The following OPCML variants were observed in gnomAD, a reference collection of about 807,000 sequenced individuals.
The protein encoded by OPCML is opioid binding protein/cell adhesion molecule like.
OPCML carries 13 observed loss-of-function variants against 37.8 expected under a neutral mutation model. The observed-to-expected ratio is 0.34, with a 90% CI of 0.22 to 0.55. The LOEUF (loss-of-function observed/expected upper bound fraction) is 0.55. OPCML is among the 20% of genes least tolerant of loss of function. OPCML has a pLI of 0.91. For missense variants in OPCML, 341 were observed against 435.6 expected, an observed-to-expected ratio of 0.78 and a Z score of 1.93; for synonymous variants, 176 against 168.8, an observed-to-expected ratio of 1.04 and a Z score of -0.33.
At chr11:133,018,859 C>T (rs1422840260) in intron 1 of OPCML, among the ~76,000 whole-genome samples, 1 of 152,216 alleles carries the variant, frequency 6.6e-6, no homozygotes, top group Non-Finnish European at 1.5e-5. Flanking sequence ...CCAGGGTCAG[C>T]CCTTAAATGA....
chr11:133,515,252 C>G (rs1229434037), intron 1 of OPCML, among the ~76,000 whole-genome samples: 1 of 152,134 alleles, frequency 6.6e-6, no homozygotes, highest in Non-Finnish European at 1.5e-5. Context: ...CTCTCTTCAG[C>G]TAGAGGGGTT....
At chr11:133,013,521 C>T (rs971828918) in intron 1 of OPCML, among the ~76,000 whole-genome samples, 3 of 152,092 alleles carry the variant, frequency 2.0e-5, no homozygotes, top group African/African-American at 7.2e-5. Context: ...GCATAATGGT[C>T]CACTTGACAG....
At chr11:132,593,355 C>A (rs986868942) in intron 3 of OPCML, among the ~76,000 whole-genome samples, 1 of 152,172 alleles carries the variant, frequency 6.6e-6, no homozygotes, top group African/African-American at 2.4e-5. Flanking sequence ...TTCCTGTAGA[C>A]CATGGCAAAG....
intron 1 of OPCML, among the ~76,000 whole-genome samples, chr11:133,223,349 G>T (rs1375799281): frequency 6.6e-6 from 1 of 152,238 alleles, no homozygotes; most frequent in African/African-American, 2.4e-5. Flanking sequence ...GAAGGACAGA[G>T]TATTCTTTCT....
chr11:133,084,636 C>T (rs371291737), intron 1 of OPCML, among the ~76,000 whole-genome samples: 1 of 152,188 alleles, frequency 6.6e-6, no homozygotes, highest in Non-Finnish European at 1.5e-5. Flanking sequence ...TCCAGGCAGT[C>T]GGACAGATAG....
At chr11:132,524,003 A>G (rs1377423814) in intron 4 of OPCML, among the ~76,000 whole-genome samples, 2 of 152,108 alleles carry the variant, frequency 1.3e-5, no homozygotes, top group African/African-American at 4.8e-5. Context: ...AGCCTTTGTT[A>G]TTTTTCCCAA....
intron 4 of OPCML, among the ~76,000 whole-genome samples, chr11:132,473,723 G>C (rs571292092): frequency 2.6e-5 from 4 of 152,106 alleles, no homozygotes; most frequent in Non-Finnish European, 5.9e-5. Context: ...CTACTCAGAA[G>C]AATGAGGCTG....
chr11:132,791,841 G>A (rs1293576805), intron 2 of OPCML, among the ~76,000 whole-genome samples: 1 of 152,148 alleles, frequency 6.6e-6, no homozygotes, highest in African/African-American at 2.4e-5. Flanking sequence ...CCAGGTTGCG[G>A]TTTTGACTGA....
Position 133,140,727 on chromosome 11 carries a change from C to CAGAA in OPCML, c.62-197718_62-197717insTTCT, listed in dbSNP as rs141698735. 2.8e-3 allele frequency among the ~76,000 whole-genome samples: 305 copies of CAGAA among 108,256 alleles called. 5 individuals carry two copies. The highest frequency in any genetic ancestry group is 8.8e-3 in the African/African-American group (296 of 33,468). 71.0% of individuals were successfully genotyped at this position (108,256 alleles called of 152,430 possible). A position where few individuals can be genotyped will look rare whatever the true frequency, so the allele number is the denominator to read the frequency against. ...GAAGACGGAAGACGAAGACGGAAGACGACGACGACGACGACGACGAGGAAG... is the reference window on the plus strand; with the variant it reads ...GAAGACGGAAGACGAAGACGGAAGACAGAAGACGACGACGACGACGACGAGGAAG... On this transcript the variant is annotated intron_variant, in intron 1 of 7. Transcript: ENST00000524381.
At chr11:132,513,823 C>A (rs765057066) in intron 4 of OPCML, among the ~76,000 whole-genome samples, 1 of 152,170 alleles carries the variant, frequency 6.6e-6, no homozygotes, top group African/African-American at 2.4e-5. Context: ...CACTAATGCA[C>A]CCACTTTTAT....
intron 1 of OPCML, among the ~76,000 whole-genome samples, chr11:133,368,130 C>T (rs7934155): frequency 2.6e-4 from 39 of 152,094 alleles, no homozygotes; most frequent in African/African-American, 9.2e-4. Context: ...TGTGAAAAAT[C>T]CTCACACTTT....
chr11:133,090,213 C>A (rs568821347), intron 1 of OPCML, among the ~76,000 whole-genome samples: 3 of 152,092 alleles, frequency 2.0e-5, no homozygotes, highest in Non-Finnish European at 4.4e-5. Flanking sequence ...CACTCCCTTA[C>A]CTCGCCTGCC....
Position 133,015,365 on chromosome 11 carries a change from G to GAGGAAGGAAGGA in OPCML, c.62-72356_62-72355insTCCTTCCTTCCT, listed in dbSNP as rs1565398643. On this transcript the variant is annotated intron_variant, in intron 1 of 7. Transcript: ENST00000524381. ...GGAGGGAGGGAGGGAGGAAGGAAGG[G>GAGGAAGGAAGGA]AGGAATGAAGGAAGGAAGGAAGGAA... 1.4e-4 allele frequency among the ~76,000 whole-genome samples: 15 copies of GAGGAAGGAAGGA among 109,120 alleles called. 1 individual carries two copies. The highest frequency in any genetic ancestry group is 1.8e-4 in the Non-Finnish European group (10 of 55,642). The allele number at this position is 109,120 out of a possible 152,430, so 71.6% of individuals were successfully genotyped here.
chr11:133,101,083 C>T (rs932572754), intron 1 of OPCML, among the ~76,000 whole-genome samples: 5 of 152,028 alleles, frequency 3.3e-5, no homozygotes, highest in African/African-American at 1.2e-4. Context: ...CACTGTCATG[C>T]CCCGCTAATT....
chr11:132,511,419 C>T (rs2508977), intron 4 of OPCML, among the ~76,000 whole-genome samples: 79,767 of 151,760 alleles, frequency 0.53, 21,580 homozygotes, highest in East Asian at 0.8. Context: ...ATTGTCAAAC[C>T]GATTATAAAA....
At chr11:133,384,980 C>A (rs1356743387) in intron 1 of OPCML, among the ~76,000 whole-genome samples, 1 of 152,216 alleles carries the variant, frequency 6.6e-6, no homozygotes, top group Non-Finnish European at 1.5e-5. Flanking sequence ...CCAGGGTGGC[C>A]CCGAGGTCTC....
Position 133,069,236 on chromosome 11 carries a change from T to C in OPCML, c.62-126226A>G, listed in dbSNP as rs117654306. Among the ~76,000 whole-genome samples the C allele has an allele frequency of 1.5e-3, 225 of 152,342 alleles. 1 individual carries two copies. The East Asian group carries it at 0.025, about 17-fold the overall frequency. On this transcript the variant is annotated intron_variant, in intron 1 of 7. Transcript: ENST00000524381. Reference sequence around the variant, plus strand: ...ATATAGACCTAAACTGAACTATTTATAAGTGAAAATGAAACCATGAAACCA... The same window carrying C: ...ATATAGACCTAAACTGAACTATTTACAAGTGAAAATGAAACCATGAAACCA...
At chr11:133,257,771 A>G (rs1374027728) in intron 1 of OPCML, among the ~76,000 whole-genome samples, 2 of 151,904 alleles carry the variant, frequency 1.3e-5, no homozygotes, top group African/African-American at 4.8e-5. Context: ...TTCATCATCC[A>G]ATAAACATTT....
intron 1 of OPCML, among the ~76,000 whole-genome samples, chr11:133,379,772 A>G (rs1219755260): frequency 6.6e-6 from 1 of 152,214 alleles, no homozygotes; most frequent in Non-Finnish European, 1.5e-5. Flanking sequence ...TATAATGGCT[A>G]TTGTTGGAAG....
Sources: allele counts gnomAD v4.1 joint callset (sites outside exome capture counted in the v4.1 genomes callset), GRCh38; gene constraint gnomAD v4.1.1; transcripts MANE v1.5; gene names NCBI Gene and HGNC (gene_info 2026-07-23, HGNC 2026-07-21).